The following SRGAP2 variants were observed in gnomAD, a reference collection of about 807,000 sequenced individuals.
SRGAP2 encodes the protein SLIT-ROBO Rho GTPase-activating protein 2.
A neutral mutation model predicts 57.2 loss-of-function variants in SRGAP2; 15 were observed. The observed-to-expected ratio is 0.26, with a 90% CI of 0.18 to 0.40. The LOEUF is 0.40. SRGAP2 is among the 10% of genes least tolerant of loss of function. The probability of loss-of-function intolerance (pLI) is 1.00; values close to 1 mark genes in which losing one functional copy is unlikely to be tolerated. For missense variants in SRGAP2, 520 were observed against 669.6 expected (o/e 0.78, Z 2.47); for synonymous variants, 249 against 248.0 (o/e 1.00, Z -0.04).
intron 19 of SRGAP2, among the ~76,000 whole-genome samples, chr1:206,452,803 G>A (rs782401447): frequency 1.1e-4 from 16 of 143,992 alleles, no homozygotes; most frequent in Admixed American, 6.6e-4. Context: ...GGAGAATCGC[G>A]TAAACCCGGG....
intron 11 of SRGAP2, among the ~76,000 whole-genome samples, chr1:206,417,463 G>A (rs1003896021): frequency 6.8e-6 from 1 of 146,826 alleles, no homozygotes; most frequent in Non-Finnish European, 1.5e-5. Flanking sequence ...TGTCACCCAG[G>A]CTGGAGTGCA....
At chr1:206,204,900 C>G (rs1449542928) in intron 1 of SRGAP2, 1 of 120,406 alleles carries the variant, frequency 8.3e-6, no homozygotes, top group Admixed American at 7.7e-5. Context: ...CTTTTTCCTG[C>G]AGATTTGCCC....
At chr1:206,291,913 C>T (rs1173729617) in intron 2 of SRGAP2, among the ~76,000 whole-genome samples, 4 of 148,876 alleles carry the variant, frequency 2.7e-5, no homozygotes, top group South Asian at 4.3e-4. Context: ...TTGTCAAGGA[C>T]GGGACTGTCT....
intron 17 of SRGAP2, among the ~76,000 whole-genome samples, chr1:206,441,658 C>A (rs1316055930): frequency 6.6e-6 from 1 of 152,200 alleles, no homozygotes; most frequent in Non-Finnish European, 1.5e-5. Flanking sequence ...ATCATACTTA[C>A]ATTTGGGGAA....
chr1:206,360,386 C>T (rs1676821326), intron 4 of SRGAP2, among the ~76,000 whole-genome samples: 1 of 146,092 alleles, frequency 6.8e-6, no homozygotes, highest in Admixed American at 6.9e-5. Context: ...TTGGAGGCTA[C>T]TGGAGGACTG....
chr1:206,288,978 C>T (rs1671156948), intron 2 of SRGAP2, among the ~76,000 whole-genome samples: 1 of 18,578 alleles, frequency 5.4e-5, no homozygotes, highest in Non-Finnish European at 1.0e-4. Context: ...ATATTTTTTT[C>T]TGTTTTATTT....
chr1:206,293,046 C>T (rs1257680819), intron 2 of SRGAP2, among the ~76,000 whole-genome samples: 14 of 152,208 alleles, frequency 9.2e-5, no homozygotes. Flanking sequence ...CTCTCCAGAG[C>T]CAGCTCTACA....
intron 2 of SRGAP2, among the ~76,000 whole-genome samples, chr1:206,302,296 C>T (rs1671917245): frequency 6.6e-6 from 1 of 151,142 alleles, no homozygotes; most frequent in Non-Finnish European, 1.5e-5. Flanking sequence ...TGGCATACTG[C>T]TTCCTGTGAG....
intron 3 of SRGAP2, among the ~76,000 whole-genome samples, chr1:206,306,670 A>C (rs1672223558): frequency 1.3e-5 from 2 of 152,224 alleles, no homozygotes; most frequent in African/African-American, 4.8e-5. Context: ...TGATTGGTGC[A>C]TTTACAATCT....
At chr1:206,426,255 C>G (rs933968873) in intron 13 of SRGAP2, among the ~76,000 whole-genome samples, 4 of 149,180 alleles carry the variant, frequency 2.7e-5, no homozygotes, top group African/African-American at 1.0e-4. Flanking sequence ...GCTAATTTTA[C>G]TTAACACAGT....
intron 13 of SRGAP2, 107 bp from the exon 14 acceptor site, chr1:206,430,055 G>A (rs560335297): frequency 1.5e-4 from 109 of 721,376 alleles, no homozygotes; most frequent in African/African-American, 1.4e-3. Flanking sequence ...TTTGTAGACC[G>A]GCTGGTGATC....
chr1:206,355,705 G>C (rs190412034), intron 4 of SRGAP2, among the ~76,000 whole-genome samples: 1 of 152,236 alleles, frequency 6.6e-6, no homozygotes, highest in African/African-American at 2.4e-5. Flanking sequence ...AGTGGCTTAT[G>C]TCTGTAACCC....
Position 206,419,295 on chromosome 1 carries a change from G to A in SRGAP2, c.1442-78G>A, listed in dbSNP as rs1660081572. ...TGGCTGTCTAGGGGAGATAGGCATGGTAGTTACTAGGAGTGGGTCTCCCTC... is the reference window on the plus strand; with the variant it reads ...TGGCTGTCTAGGGGAGATAGGCATGATAGTTACTAGGAGTGGGTCTCCCTC... On this transcript the variant is annotated intron_variant, in intron 11 of 22. Coordinates refer to ENST00000573034, the MANE Select transcript of SRGAP2 (RefSeq NM_015326.5). 20 of 771,138 alleles carry A rather than the reference G, an allele frequency of 2.6e-5. No individual in the cohort carries two copies. In the South Asian group the frequency reaches 2.7e-4, roughly 11 times the overall value. The allele number at this position is 771,138 out of a possible 1,614,324, so 47.8% of individuals were successfully genotyped here. A position where few individuals can be genotyped will look rare whatever the true frequency, so the allele number is the denominator to read the frequency against.
chr1:206,453,865 T>A, intron 20 of SRGAP2: 1 of 397,192 alleles, frequency 2.5e-6, no homozygotes, highest in East Asian at 4.0e-5. Context: ...AGCAGCCTTA[T>A]GGAAGTGACC....
chr1:206,234,364 G>C (rs1667803573), intron 2 of SRGAP2, among the ~76,000 whole-genome samples: 1 of 152,172 alleles, frequency 6.6e-6, no homozygotes, highest in African/African-American at 2.4e-5. Context: ...CTATTTGAGA[G>C]CACTGAGCCT....
intron 16 of SRGAP2, 139 bp from the exon 17 acceptor site, chr1:206,439,836 TC>T: frequency 1.6e-6 from 1 of 626,900 alleles, no homozygotes; most frequent in Non-Finnish European, 2.9e-6. Flanking sequence ...GGGATGACAC[TC>T]CTGTCACTGC....
intron 5 of SRGAP2, among the ~76,000 whole-genome samples, chr1:206,385,042 G>T (rs1206603180): frequency 2.1e-5 from 3 of 145,650 alleles, no homozygotes; most frequent in Non-Finnish European, 4.4e-5. Flanking sequence ...AGGCAGTGGT[G>T]ACATGCATGA....
intron 2 of SRGAP2, among the ~76,000 whole-genome samples, chr1:206,291,353 GAGGCTTACT>G (rs1462476586): frequency 6.6e-6 from 1 of 152,180 alleles, no homozygotes; most frequent in Non-Finnish European, 1.5e-5. Flanking sequence ...CCTTTTAATG[GAGGCTTACT>G]AGGCATCAGG....
intron 2 of SRGAP2, among the ~76,000 whole-genome samples, chr1:206,263,272 A>C (rs1553313998): frequency 6.9e-6 from 1 of 144,862 alleles, no homozygotes; most frequent in African/African-American, 2.6e-5. Context: ...AAGATTCTGG[A>C]GTCGCTATTT....
Sources: gnomAD v4.1 joint callset for allele counts (sites outside exome capture counted in the v4.1 genomes callset) on GRCh38, gnomAD v4.1.1 for gene constraint, MANE v1.5 for transcripts, NCBI Gene and HGNC (gene_info 2026-07-23, HGNC 2026-07-21) for gene names.